APBB2: variants seen among roughly 807,000 people sequenced by gnomAD.
The protein encoded by APBB2 is Fe65-like 1.
A neutral mutation model predicts 82.5 loss-of-function variants in APBB2; 38 were observed. The observed-to-expected ratio is 0.46, with a 90% CI of 0.36 to 0.60. The LOEUF (loss-of-function observed/expected upper bound fraction) is 0.60, where lower values mean the gene tolerates loss of function less well. APBB2 is among the 20% of genes least tolerant of loss of function. The pLI is 0.00. For missense variants in APBB2, 772 were observed against 972.3 expected (o/e 0.79, Z 2.74); for synonymous variants, 341 against 368.2 (o/e 0.93, Z 0.85).
At chr4:40,861,277 G>C (rs902916011) in intron 12 of APBB2, among the ~76,000 whole-genome samples, 1 of 152,044 alleles carries the variant, frequency 6.6e-6, no homozygotes, top group Admixed American at 6.6e-5. Flanking sequence ...TTGAACTTGG[G>C]AGGCAGAGGT....
intron 6 of APBB2, among the ~76,000 whole-genome samples, chr4:40,964,131 T>A (rs1425207915): frequency 6.7e-6 from 1 of 150,278 alleles, no homozygotes; most frequent in Non-Finnish European, 1.5e-5. Context: ...CTAACTCATT[T>A]AAAAAAAAAA....
chr4:40,818,034 GTTCTA>G (rs1162581945), intron 17 of APBB2, among the ~76,000 whole-genome samples: 4 of 152,336 alleles, frequency 2.6e-5, no homozygotes, highest in Non-Finnish European at 5.9e-5. Flanking sequence ...GTCCCTCTCT[GTTCTA>G]TTCTAAATTT....
intron 10 of APBB2, among the ~76,000 whole-genome samples, chr4:40,909,043 C>G (rs1046870085): frequency 6.6e-6 from 1 of 152,216 alleles, no homozygotes; most frequent in Non-Finnish European, 1.5e-5. Flanking sequence ...CAGGGGCAAC[C>G]TGCAGAGGAG....
intron 13 of APBB2, among the ~76,000 whole-genome samples, chr4:40,829,755 C>T (rs766055753): frequency 1.1e-4 from 17 of 152,102 alleles, no homozygotes; most frequent in Non-Finnish European, 1.9e-4. Flanking sequence ...AGGCTGGTGA[C>T]GCCAGACTGT....
At chr4:41,136,519 G>C (rs1027405347) in intron 2 of APBB2, among the ~76,000 whole-genome samples, 11 of 152,160 alleles carry the variant, frequency 7.2e-5, no homozygotes, top group Non-Finnish European at 1.5e-5. Context: ...GAAAGTAAAA[G>C]GGCCAGGTAA....
chr4:40,839,802 T>A (rs1208181050), intron 12 of APBB2, among the ~76,000 whole-genome samples: 1 of 151,966 alleles, frequency 6.6e-6, no homozygotes, highest in Non-Finnish European at 1.5e-5. Context: ...GTAGCTGGGA[T>A]TACAAGCGTG....
At chr4:40,999,803 C>T (rs1357582835) in intron 6 of APBB2, among the ~76,000 whole-genome samples, 2 of 152,044 alleles carry the variant, frequency 1.3e-5, no homozygotes, top group South Asian at 2.1e-4. Flanking sequence ...TACGCTATTA[C>T]CTTGAATTTG....
At chr4:41,049,560 G>T (rs1389006243) in intron 4 of APBB2, among the ~76,000 whole-genome samples, 1 of 150,640 alleles carries the variant, frequency 6.6e-6, no homozygotes, top group Non-Finnish European at 1.5e-5. Context: ...GAGGTGGGGG[G>T]CGCCTCTGCC....
intron 4 of APBB2, among the ~76,000 whole-genome samples, chr4:41,034,981 CAG>C (rs1465887715): frequency 3.3e-5 from 5 of 152,088 alleles, no homozygotes; most frequent in South Asian, 2.1e-4. Flanking sequence ...ACAGGAAAAA[CAG>C]ATTGATATCA....
At chr4:40,818,996 C>T (rs1472904327) in intron 17 of APBB2, among the ~76,000 whole-genome samples, 1 of 151,892 alleles carries the variant, frequency 6.6e-6, no homozygotes, top group Admixed American at 6.6e-5. Context: ...ACTACAGGTG[C>T]AAACTTTCCC....
At chr4:41,105,948 C>T (rs1283517850) in intron 2 of APBB2, among the ~76,000 whole-genome samples, 1 of 151,408 alleles carries the variant, frequency 6.6e-6, no homozygotes, top group African/African-American at 2.4e-5. Flanking sequence ...GAGACTGTGT[C>T]CAATTATGAG....
chr4:40,934,440 G>A lies in APBB2; in HGVS notation c.1254+16C>T. On this transcript the variant is annotated intron_variant, in intron 10 of 17. Transcript: ENST00000508593. ...TAAGAATATAACCTGGTGGCTGAAA[G>A]CAAGTCTTTACAAACCTTGGCTTCT... 1 of 1,611,704 alleles carries A rather than the reference G, an allele frequency of 6.2e-7. No individual in the cohort carries two copies. Among genetic ancestry groups the A allele is most frequent in the East Asian group, 2.2e-5 (1 of 44,876 alleles).
rs548986550 is a variant in APBB2, at chr4:40,850,772, G to A, written c.1530-20195C>T. On this transcript the variant is annotated intron_variant, in intron 12 of 17. Transcript: ENST00000508593. ...GCATGGACAACACAGTGAGACCTCA[G>A]CTCTAAAAAAAATTTTTTTAAATAG... Among the ~76,000 whole-genome samples the A allele has an allele frequency of 5.9e-5, 9 of 152,036 alleles. No individual in the cohort carries two copies. The East Asian group carries it at 1.7e-3, about 29-fold the overall frequency.
At chr4:40,989,995 A>G (rs1048280168) in intron 6 of APBB2, among the ~76,000 whole-genome samples, 92 of 152,262 alleles carry the variant, frequency 6.0e-4, no homozygotes, top group African/African-American at 2.2e-3. Context: ...GGAGCCTTTT[A>G]TTAAATGATA....
chr4:40,973,959 A>T (rs1796555162), intron 6 of APBB2, among the ~76,000 whole-genome samples: 1 of 150,974 alleles, frequency 6.6e-6, no homozygotes, highest in South Asian at 2.1e-4. Flanking sequence ...TCAAGCAATT[A>T]TCCTGCCTCA....
At chr4:40,989,577 C>T (rs1801445518) in intron 6 of APBB2, among the ~76,000 whole-genome samples, 1 of 152,024 alleles carries the variant, frequency 6.6e-6, no homozygotes, top group Non-Finnish European at 1.5e-5. Context: ...GTTTTCCAAA[C>T]TAGCTACCTA....
chr4:40,875,623 T>C (rs905246589), intron 12 of APBB2, among the ~76,000 whole-genome samples: 1 of 152,246 alleles, frequency 6.6e-6, no homozygotes, highest in African/African-American at 2.4e-5. Flanking sequence ...TTACAGCACA[T>C]TTCAATTCAG....
intron 1 of APBB2, among the ~76,000 whole-genome samples, chr4:41,184,226 C>T (rs1178251713): frequency 6.6e-6 from 1 of 152,150 alleles, no homozygotes; most frequent in Non-Finnish European, 1.5e-5. Context: ...TGCCACTCTC[C>T]TCTTGCTGTG....
At position 41,173,599 on chromosome 4, in the gene APBB2, C is replaced by T. The variant is rs542492994; in HGVS notation, c.-416-30457G>A. Among the ~76,000 whole-genome samples the T allele has an allele frequency of 1.6e-4, 25 of 152,060 alleles. 1 individual carries two copies. Among genetic ancestry groups the T allele is most frequent in the Admixed American group, 2.0e-4 (3 of 15,264 alleles). ...GGCAGGCTGCATATACAAGGTGGTCCCATTAGATTACAATACCATACTTCT... is the reference window on the plus strand; with the variant it reads ...GGCAGGCTGCATATACAAGGTGGTCTCATTAGATTACAATACCATACTTCT... On this transcript the variant is annotated intron_variant, in intron 1 of 17. Coordinates refer to ENST00000508593, the MANE Select transcript of APBB2 (RefSeq NM_004307.2).
Sources: allele counts gnomAD v4.1 joint callset (sites outside exome capture counted in the v4.1 genomes callset), GRCh38; gene constraint gnomAD v4.1.1; transcripts MANE v1.5; gene names NCBI Gene and HGNC (gene_info 2026-07-23, HGNC 2026-07-21).